The following ZNF804B variants were observed in gnomAD, a reference collection of about 807,000 sequenced individuals.
ZNF804B encodes zinc finger 804B.
ZNF804B carries 80 observed loss-of-function variants against 101.4 expected under a neutral mutation model. The ratio of observed to expected loss-of-function variants is 0.79; its 90% CI spans 0.66 to 0.95. ZNF804B has a LOEUF of 0.95. Among genes scored for constraint, ZNF804B ranks in the 40% least tolerant of loss-of-function variants. The pLI, the probability that ZNF804B is intolerant of heterozygous loss-of-function variation, is 0.00. For missense variants in ZNF804B, 1,673 were observed against 1,561.9 expected, an observed-to-expected ratio of 1.07 and a Z score of -1.20; for synonymous variants, 622 against 558.8, an observed-to-expected ratio of 1.11 and a Z score of -1.59.
At chr7:88,999,209 C>T (rs761334072) in intron 1 of ZNF804B, among the ~76,000 whole-genome samples, 5 of 151,940 alleles carry the variant, frequency 3.3e-5, no homozygotes, top group Non-Finnish European at 7.4e-5. Flanking sequence ...TAGACTATTT[C>T]TTACTGAAAA....
At chr7:89,045,178 T>G (rs1395858598) in intron 1 of ZNF804B, among the ~76,000 whole-genome samples, 1 of 152,204 alleles carries the variant, frequency 6.6e-6, no homozygotes, top group Admixed American at 6.5e-5. Context: ...CCAGGAGGTG[T>G]TGGGCATCTG....
chr7:89,174,982 T>G (rs565197922), intron 1 of ZNF804B, among the ~76,000 whole-genome samples: 17 of 152,196 alleles, frequency 1.1e-4, no homozygotes, highest in South Asian at 2.1e-4. Flanking sequence ...TTATATATTC[T>G]ACTTATTAAA....
intron 2 of ZNF804B, among the ~76,000 whole-genome samples, chr7:89,287,694 A>T (rs997766196): frequency 2.0e-5 from 3 of 152,166 alleles, no homozygotes; most frequent in African/African-American, 4.8e-5. Context: ...CAGTCAGACT[A>T]GGAGGCTGAG....
At chr7:89,016,009 G>A (rs1415796099) in intron 1 of ZNF804B, among the ~76,000 whole-genome samples, 21 of 152,220 alleles carry the variant, frequency 1.4e-4, no homozygotes, top group Non-Finnish European at 1.9e-4. Flanking sequence ...TTGTTTCCTG[G>A]CTTTGTAATG....
chr7:88,895,159 C>A (rs1302960309), intron 1 of ZNF804B, among the ~76,000 whole-genome samples: 2 of 152,042 alleles, frequency 1.3e-5, no homozygotes, highest in Non-Finnish European at 2.9e-5. Flanking sequence ...AGAGTAAAGC[C>A]AAAAGAAACT....
chr7:88,921,441 C>T (rs1047506252), intron 1 of ZNF804B, among the ~76,000 whole-genome samples: 11 of 152,064 alleles, frequency 7.2e-5, no homozygotes, highest in Admixed American at 5.2e-4. Context: ...AGTTACCTCA[C>T]CCAAAGGGAG....
chr7:88,941,834 G>A (rs1031581599), intron 1 of ZNF804B, among the ~76,000 whole-genome samples: 7 of 151,852 alleles, frequency 4.6e-5, no homozygotes, highest in African/African-American at 1.7e-4. Context: ...CTTTGATGTG[G>A]CTTTTTGTGG....
intron 1 of ZNF804B, among the ~76,000 whole-genome samples, chr7:89,172,382 C>G (rs965969424): frequency 6.6e-6 from 1 of 152,058 alleles, no homozygotes; most frequent in Non-Finnish European, 1.5e-5. Flanking sequence ...GCAAGATATC[C>G]TAGTTAAGCA....
At chr7:89,023,304 A>G (rs1788697727) in intron 1 of ZNF804B, among the ~76,000 whole-genome samples, 1 of 151,600 alleles carries the variant, frequency 6.6e-6, no homozygotes, top group Non-Finnish European at 1.5e-5. Context: ...TGAAGAAACT[A>G]AAGACATGTA....
intron 2 of ZNF804B, among the ~76,000 whole-genome samples, chr7:89,221,034 A>G (rs1174262871): frequency 6.6e-6 from 1 of 151,862 alleles, no homozygotes; most frequent in Non-Finnish European, 1.5e-5. Flanking sequence ...TTCCATAAGG[A>G]GGCATATAAT....
chr7:88,975,083 A>G (rs1352124861), intron 1 of ZNF804B, among the ~76,000 whole-genome samples: 1 of 151,450 alleles, frequency 6.6e-6, no homozygotes, highest in East Asian at 2.0e-4. Flanking sequence ...TTCCAGTTCT[A>G]TCCATTTCGT....
At position 89,333,311 on chromosome 7, in the gene ZNF804B, T is replaced by A. The variant is rs73388523; in HGVS notation, c.381-52T>A. 3.1e-3 allele frequency: 4,462 copies of A among 1,440,956 alleles called. 104 individuals are homozygous for A. The African/African-American group carries it at 0.054, about 17-fold the overall frequency. The allele number at this position is 1,440,956 out of a possible 1,614,324, so 89.3% of individuals were successfully genotyped here. On this transcript the variant is annotated intron_variant, in intron 3 of 3. Coordinates refer to ENST00000333190, the MANE Select transcript of ZNF804B (RefSeq NM_181646.5). ...ACACTATGAAATGTTCATATGTAGA[T>A]ATGATTCCAAAGCTAATCTCTTAAT...
chr7:89,333,229 A>C, intron 3 of ZNF804B, 134 bp from the exon 4 acceptor site: 1 of 886,440 alleles, frequency 1.1e-6, no homozygotes, highest in East Asian at 2.7e-5. Context: ...TAAGGACAAC[A>C]AAAGGTTATG....
chr7:88,911,549 T>C (rs1479786495), intron 1 of ZNF804B, among the ~76,000 whole-genome samples: 4 of 151,008 alleles, frequency 2.6e-5, no homozygotes, highest in Non-Finnish European at 4.4e-5. Context: ...CCTAATATAT[T>C]GTAAGGCTAC....
intron 1 of ZNF804B, among the ~76,000 whole-genome samples, chr7:89,183,724 C>T (rs913382170): frequency 6.6e-6 from 1 of 152,136 alleles, no homozygotes; most frequent in Non-Finnish European, 1.5e-5. Context: ...GCCAGAATCA[C>T]AGCACTCATT....
At chr7:89,012,404 T>C (rs937310376) in intron 1 of ZNF804B, among the ~76,000 whole-genome samples, 2 of 152,106 alleles carry the variant, frequency 1.3e-5, no homozygotes, top group African/African-American at 4.8e-5. Context: ...CCTCAGAAAA[T>C]GGATTTTTCT....
At chr7:88,925,391 C>G (rs1359602652) in intron 1 of ZNF804B, among the ~76,000 whole-genome samples, 1 of 152,114 alleles carries the variant, frequency 6.6e-6, no homozygotes, top group Admixed American at 6.5e-5. Flanking sequence ...GATAAGATCT[C>G]TAAATAGGCG....
At chr7:88,916,712 G>C (rs1046891668) in intron 1 of ZNF804B, among the ~76,000 whole-genome samples, 23 of 152,046 alleles carry the variant, frequency 1.5e-4, no homozygotes, top group African/African-American at 5.3e-4. Context: ...ATATTGTACA[G>C]TCCTATAGTA....
chr7:88,782,000 T>A (rs1790235035), intron 1 of ZNF804B, among the ~76,000 whole-genome samples: 2 of 152,206 alleles, frequency 1.3e-5, no homozygotes, highest in African/African-American at 4.8e-5. Context: ...TTTCCAAATA[T>A]CTCATCTCTG....
Sources: gnomAD v4.1 joint callset for allele counts (sites outside exome capture counted in the v4.1 genomes callset) on GRCh38, gnomAD v4.1.1 for gene constraint, MANE v1.5 for transcripts, NCBI Gene and HGNC (gene_info 2026-07-23, HGNC 2026-07-21) for gene names.